ZNF266: variants seen among roughly 807,000 people sequenced by gnomAD.
The protein encoded by ZNF266 is zinc finger protein 1.
ZNF266 carries 16 observed loss-of-function variants against 16.4 expected under a neutral mutation model. That is an observed-to-expected ratio of 0.98 (90% CI 0.66 to 1.48). The LOEUF (loss-of-function observed/expected upper bound fraction) is 1.48, where lower values mean the gene tolerates loss of function less well. Ranked by LOEUF, ZNF266 falls within the 40% of genes most tolerant of loss-of-function variation. The pLI, the probability that ZNF266 is intolerant of heterozygous loss-of-function variation, is 0.00. For missense variants in ZNF266, 738 were observed against 689.1 expected, an observed-to-expected ratio of 1.07 and a Z score of -0.79; for synonymous variants, 262 against 237.9, an observed-to-expected ratio of 1.10 and a Z score of -0.93.
In ZNF266 at chr19:9,413,385, G is replaced by A. The variant is rs1482382760; in HGVS notation, c.1741C>T (p.His581Tyr). ...CATTCATAGGGTTTCTCTCCAGTGT[G>A]AGTTCGTTCATGTAACTGAAACGAA... ...SNSFQLHERT[H>Y]TGEKPYECKE... Residue 581 changes from histidine to tyrosine, a missense_variant, in exon 11 of 11, where the codon CAC becomes TAC. His to Tyr is a moderately conservative substitution (Grantham distance 83). Coordinates refer to ENST00000592904, the MANE Select transcript of ZNF266 (RefSeq NM_001370374.1). The A allele has an allele frequency of 1.9e-6, 3 of 1,614,100 alleles. No homozygotes were observed. Among genetic ancestry groups the A allele is most frequent in the Non-Finnish European group, 2.5e-6 (3 of 1,180,048 alleles).
At chr19:9,417,299 G>A (rs1023597860) in intron 9 of ZNF266, among the ~76,000 whole-genome samples, 8 of 152,196 alleles carry the variant, frequency 5.3e-5, no homozygotes, top group Non-Finnish European at 1.0e-4. Context: ...CTGAACCCGG[G>A]AGGCTGAAGT....
intron 5 of ZNF266, among the ~76,000 whole-genome samples, chr19:9,432,916 T>C (rs1440815690): frequency 1.3e-5 from 2 of 152,084 alleles, no homozygotes; most frequent in African/African-American, 2.4e-5. Flanking sequence ...AGTTGTATCA[T>C]TATCAAATGT....
At chr19:9,416,155 A>G (rs556161604) in intron 9 of ZNF266, among the ~76,000 whole-genome samples, 1 of 152,272 alleles carries the variant, frequency 6.6e-6, no homozygotes, top group African/African-American at 2.4e-5. Context: ...CACGGTAACA[A>G]AAAACAAACA....
In ZNF266 at chr19:9,412,987, C is replaced by T. The variant is rs574624961; in HGVS notation, c.*288G>A. The stretch of plus-strand genomic sequence containing the variant: ...AGGGTTTCTCTCCAATGTGAGTTCA[C>T]ATACACACATTAAGGTTTGTGGGAT... On this transcript the variant is annotated 3_prime_UTR_variant, in exon 11 of 11. Coordinates refer to ENST00000592904, the MANE Select transcript of ZNF266 (RefSeq NM_001370374.1). The T allele has an allele frequency of 1.3e-4, 54 of 417,156 alleles. No individual in the cohort carries two copies. The highest frequency in any genetic ancestry group is 2.1e-4 in the Non-Finnish European group (49 of 234,738). The allele number at this position is 417,156 out of a possible 1,614,324, so 25.8% of individuals were successfully genotyped here.
rs2069414723 is a variant in ZNF266 at position 9,418,641 on chromosome 19, C to T, written c.109-10G>A. 2 of 1,271,744 alleles carry T rather than the reference C, an allele frequency of 1.6e-6. No homozygotes were observed. Among genetic ancestry groups the T allele is most frequent in the Admixed American group, 3.4e-5 (2 of 59,068 alleles). 78.8% of individuals were successfully genotyped at this position (1,271,744 alleles called of 1,614,324 possible). A position where few individuals can be genotyped will look rare whatever the true frequency, so the allele number is the denominator to read the frequency against. On this transcript the variant is annotated splice_polypyrimidine_tract_variant and intron_variant, in intron 7 of 10. Transcript: ENST00000592904. Reference sequence around the variant, plus strand: ...CAAAAGTCACTGAATCCTAAACCATCACACACATGCTGGCTTGAGCCACAA... The same window carrying T: ...CAAAAGTCACTGAATCCTAAACCATTACACACATGCTGGCTTGAGCCACAA...
Position 9,413,175 on chromosome 19 carries a change from AC to A in ZNF266, c.*99del. On this transcript the variant is annotated 3_prime_UTR_variant, in exon 11 of 11. Transcript: ENST00000592904. ...ATATGTGTTCATTAAGACCTGAGATACAAAGTTGCTTCCACATTTTTACATT... is the reference window on the plus strand; with the variant it reads ...ATATGTGTTCATTAAGACCTGAGATAAAAGTTGCTTCCACATTTTTACATT... 1 of 1,432,090 alleles carries A rather than the reference AC, an allele frequency of 7.0e-7. No homozygotes were observed. The highest frequency in any genetic ancestry group is 1.4e-5 in the South Asian group (1 of 70,108). 88.7% of individuals were successfully genotyped at this position (1,432,090 alleles called of 1,614,324 possible). A position where few individuals can be genotyped will look rare whatever the true frequency, so the allele number is the denominator to read the frequency against.
rs143384250 is a variant in ZNF266, at chr19:9,414,065, A to G, written c.1061T>C (p.Met354Thr). The change falls in exon 11 of 11, where the codon ATG becomes ACG. Residue 354 changes from methionine to threonine, a missense_variant. Physicochemically the swap from Met to Thr is moderately conservative, Grantham distance 81. Coordinates refer to ENST00000592904, the MANE Select transcript of ZNF266 (RefSeq NM_001370374.1). Reference protein sequence around the residue: ...FTVSSCLSQHMKIHVGEKPYE... With the variant: ...FTVSSCLSQHTKIHVGEKPYE... The stretch of plus-strand genomic sequence containing the variant: ...AGGCTTCTCACCCACATGGATTTTC[A>G]TATGTTGACTTAAGCAAGAGGAAAC... 20 of 1,613,770 alleles carry G rather than the reference A, an allele frequency of 1.2e-5. No homozygotes were observed. The highest frequency in any genetic ancestry group is 6.7e-5 in the African/African-American group (5 of 74,834).
rs927892570 is a variant in ZNF266, at chr19:9,413,144, G to A, written c.*131C>T. 5 of 1,156,670 alleles carry A rather than the reference G, an allele frequency of 4.3e-6. No homozygotes were observed. In the African/African-American group the frequency reaches 7.7e-5, roughly 18 times the overall value. The allele number at this position is 1,156,670 out of a possible 1,614,324, so 71.7% of individuals were successfully genotyped here. On this transcript the variant is annotated 3_prime_UTR_variant, in exon 11 of 11. Coordinates refer to ENST00000592904, the MANE Select transcript of ZNF266 (RefSeq NM_001370374.1). Reference sequence around the variant, plus strand: ...CCTGATGCAGGGTCTTCTCCACTGTGAATTCATATGTGTTCATTAAGACCT... The same window carrying A: ...CCTGATGCAGGGTCTTCTCCACTGTAAATTCATATGTGTTCATTAAGACCT...
chr19:9,416,427 A>G (rs2069011130), intron 9 of ZNF266, among the ~76,000 whole-genome samples: 1 of 149,640 alleles, frequency 6.7e-6, no homozygotes, highest in South Asian at 2.1e-4. Context: ...GCAATAGAAC[A>G]ATCTCGGCTC....
At chr19:9,433,911 A>T (rs1357773844) in intron 4 of ZNF266, 125 bp from the exon 5 acceptor site, 1 of 152,180 alleles carries the variant, frequency 6.6e-6, no homozygotes, top group Admixed American at 6.5e-5. Context: ...TGGAGGTTAC[A>T]GTGTTTCAGT....
Position 9,413,635 on chromosome 19 carries a change from G to T in ZNF266, c.1491C>A (p.His497Gln). 1 of 1,614,120 alleles carries T rather than the reference G, an allele frequency of 6.2e-7. No individual in the cohort carries two copies. Among genetic ancestry groups the T allele is most frequent in the East Asian group, 2.2e-5 (1 of 44,874 alleles). ...GGCACTCAAAGGGCTTCTCTCCAGT[G>T]TGAATTCTCAAATGTCCACTAAGAT... ...SSNLSGHLRI[H>Q]TGEKPFECLE... Residue 497 changes from histidine to glutamine, a missense_variant, in exon 11 of 11, where the codon CAC (histidine) becomes CAA (glutamine). Transcript: ENST00000592904.
intron 9 of ZNF266, among the ~76,000 whole-genome samples, chr19:9,417,487 G>T (rs930498926): frequency 1.9e-4 from 29 of 152,164 alleles, no homozygotes; most frequent in African/African-American, 5.1e-4. Context: ...CCAGCACTTT[G>T]GGAGGCCGAG....
intron 5 of ZNF266, among the ~76,000 whole-genome samples, chr19:9,428,766 A>G (rs537066622): frequency 1.4e-4 from 21 of 152,302 alleles, no homozygotes; most frequent in African/African-American, 4.8e-4. Flanking sequence ...AGATACCCAA[A>G]ATATAAAGCA....
At chr19:9,431,253 T>G (rs527857709) in intron 5 of ZNF266, among the ~76,000 whole-genome samples, 29 of 152,244 alleles carry the variant, frequency 1.9e-4, no homozygotes, top group Middle Eastern at 3.4e-3. Flanking sequence ...CATATGCCCA[T>G]AACACAGTCC....
intron 10 of ZNF266, among the ~76,000 whole-genome samples, chr19:9,415,051 T>C (rs1223452193): frequency 6.6e-6 from 1 of 152,192 alleles, no homozygotes; most frequent in Non-Finnish European, 1.5e-5. Flanking sequence ...TCCCAGTGCT[T>C]TGGGAGGCCA....
intron 5 of ZNF266, among the ~76,000 whole-genome samples, chr19:9,423,794 G>C (rs1339824368): frequency 1.3e-5 from 2 of 152,102 alleles, no homozygotes; most frequent in East Asian, 1.9e-4. Context: ...TCAGGAGTTC[G>C]TGACCAGCCC....
At chr19:9,415,370 G>C (rs934581897) in intron 10 of ZNF266, among the ~76,000 whole-genome samples, 2 of 152,206 alleles carry the variant, frequency 1.3e-5, no homozygotes, top group Non-Finnish European at 2.9e-5. Flanking sequence ...TCTCTCCAGA[G>C]TCATTATCCC....
intron 5 of ZNF266, among the ~76,000 whole-genome samples, chr19:9,425,172 G>A (rs758096953): frequency 2.0e-4 from 30 of 152,084 alleles, no homozygotes; most frequent in Non-Finnish European, 3.1e-4. Flanking sequence ...TTTCCTTTGC[G>A]CAACCAATCC....
intron 9 of ZNF266, among the ~76,000 whole-genome samples, chr19:9,416,284 C>A: frequency 6.7e-6 from 1 of 150,242 alleles, no homozygotes; most frequent in East Asian, 1.9e-4. Flanking sequence ...ATGGTGAACA[C>A]AAAGAATATT....
Sources: gnomAD v4.1 joint callset for allele counts (sites outside exome capture counted in the v4.1 genomes callset) on GRCh38, gnomAD v4.1.1 for gene constraint, MANE v1.5 for transcripts, NCBI Gene and HGNC (gene_info 2026-07-23, HGNC 2026-07-21) for gene names.